Variants in FHOD3 observed in about 807,000 individuals in gnomAD.
FHOD3 encodes formin homology 2 domain containing 3.
FHOD3 carries 90 observed loss-of-function variants against 173.0 expected under a neutral mutation model. That is an observed-to-expected ratio of 0.52 (90% CI 0.44 to 0.62). The LOEUF (loss-of-function observed/expected upper bound fraction) is 0.62, where lower values mean the gene tolerates loss of function less well. FHOD3 is among the 20% of genes least tolerant of loss of function. The pLI, the probability that FHOD3 is intolerant of heterozygous loss-of-function variation, is 0.00. For synonymous variants in FHOD3, 828 were observed against 823.0 expected, an observed-to-expected ratio of 1.01 and a Z score of -0.10; for missense variants, 1,945 against 2,034.7, an observed-to-expected ratio of 0.96 and a Z score of 0.85.
chr18:36,597,119 G>A (rs1031948940), intron 7 of FHOD3, among the ~76,000 whole-genome samples: 6 of 152,286 alleles, frequency 3.9e-5, no homozygotes, highest in Admixed American at 2.0e-4. Context: ...AGGGGCCAAC[G>A]TCTCATGACC....
intron 3 of FHOD3, among the ~76,000 whole-genome samples, chr18:36,403,091 A>G (rs1185313115): frequency 6.6e-6 from 1 of 152,168 alleles, no homozygotes; most frequent in Non-Finnish European, 1.5e-5. Context: ...TGCTTCTCGG[A>G]GCTGCTCAGT....
At chr18:36,720,695 T>C (rs921141794) in intron 19 of FHOD3, among the ~76,000 whole-genome samples, 7 of 110,946 alleles carry the variant, frequency 6.3e-5, no homozygotes, top group East Asian at 2.2e-4. Context: ...CTCCTCCCCC[T>C]CCTTCTCCTC....
intron 4 of FHOD3, among the ~76,000 whole-genome samples, chr18:36,505,864 T>C (rs1289817638): frequency 2.0e-5 from 3 of 152,244 alleles, no homozygotes; most frequent in Admixed American, 2.0e-4. Flanking sequence ...CATGCTGGGC[T>C]GTGCTAATGC....
chr18:36,658,049 C>G, intron 13 of FHOD3, 26 bp from the exon 14 acceptor site: 1 of 1,522,438 alleles, frequency 6.6e-7, no homozygotes. Flanking sequence ...CCTTTTCCCC[C>G]CAACTTAAAC....
chr18:36,395,412 A>G (rs2048509412), intron 3 of FHOD3, among the ~76,000 whole-genome samples: 2 of 152,160 alleles, frequency 1.3e-5, no homozygotes, highest in African/African-American at 4.8e-5. Flanking sequence ...TTAGTTCTGC[A>G]GGTTTCTTCA....
intron 4 of FHOD3, among the ~76,000 whole-genome samples, chr18:36,507,097 C>CATGTT (rs143558924): frequency 0.08 from 12,158 of 152,182 alleles, 597 homozygotes; most frequent in East Asian, 0.3. Flanking sequence ...AATGGCATGT[C>CATGTT]ATGTTTTTTT....
At chr18:36,390,856 A>T (rs2048270187) in intron 3 of FHOD3, among the ~76,000 whole-genome samples, 1 of 152,222 alleles carries the variant, frequency 6.6e-6, no homozygotes, top group African/African-American at 2.4e-5. Context: ...GGTGGGGAGA[A>T]ATAACGAGTG....
intron 17 of FHOD3, among the ~76,000 whole-genome samples, chr18:36,706,329 C>T (rs1049889919): frequency 4.6e-5 from 7 of 152,138 alleles, no homozygotes; most frequent in Non-Finnish European, 4.4e-5. Flanking sequence ...TGCAATCAGA[C>T]CTTGTAGACA....
chr18:36,674,125 G>A (rs1018860794), intron 14 of FHOD3, among the ~76,000 whole-genome samples: 3 of 152,164 alleles, frequency 2.0e-5, no homozygotes, highest in African/African-American at 4.8e-5. Flanking sequence ...TCTGATACTG[G>A]GTTTAGGGAA....
intron 1 of FHOD3, among the ~76,000 whole-genome samples, chr18:36,314,735 G>A (rs2044035937): frequency 6.6e-6 from 1 of 152,150 alleles, no homozygotes; most frequent in South Asian, 2.1e-4. Flanking sequence ...GCAGCCTGGG[G>A]ACCTGCCTCA....
At chr18:36,662,453 T>C (rs961666664) in intron 14 of FHOD3, among the ~76,000 whole-genome samples, 3 of 152,250 alleles carry the variant, frequency 2.0e-5, no homozygotes, top group Non-Finnish European at 4.4e-5. Context: ...ATATGCACTT[T>C]AACCATGCAT....
chr18:36,524,938 G>A (rs1268020146), intron 5 of FHOD3, among the ~76,000 whole-genome samples: 1 of 152,092 alleles, frequency 6.6e-6, no homozygotes, highest in Admixed American at 6.5e-5. Flanking sequence ...GAAACAATTA[G>A]AAATTGTGCC....
At chr18:36,569,815 T>G (rs2058392142) in intron 5 of FHOD3, among the ~76,000 whole-genome samples, 1 of 152,084 alleles carries the variant, frequency 6.6e-6, no homozygotes, top group Non-Finnish European at 1.5e-5. Flanking sequence ...TTAACACACT[T>G]CTAAATAATC....
intron 5 of FHOD3, among the ~76,000 whole-genome samples, chr18:36,560,468 A>G (rs1490946755): frequency 6.6e-6 from 1 of 152,190 alleles, no homozygotes; most frequent in East Asian, 1.9e-4. Context: ...TGCACTTGCC[A>G]CTACTTGCCT....
intron 9 of FHOD3, 130 bp downstream of exon 9, chr18:36,612,225 G>C (rs1599869900): frequency 1.0e-6 from 1 of 981,992 alleles, no homozygotes; most frequent in African/African-American, 1.6e-5. Context: ...AGCATCGTAG[G>C]CTTCACCCCA....
At chr18:36,444,181 A>G (rs1482724729) in intron 3 of FHOD3, among the ~76,000 whole-genome samples, 1 of 128,282 alleles carries the variant, frequency 7.8e-6, no homozygotes, top group Non-Finnish European at 1.6e-5. Context: ...CGACAGAGTG[A>G]GACTCCGTCT....
intron 14 of FHOD3, among the ~76,000 whole-genome samples, chr18:36,663,843 A>G (rs932986052): frequency 8.5e-5 from 13 of 152,124 alleles, no homozygotes; most frequent in Non-Finnish European, 5.9e-5. Context: ...TGCCTTCTTC[A>G]TCTTTGTTGC....
intron 4 of FHOD3, among the ~76,000 whole-genome samples, chr18:36,502,837 TC>T (rs2055109884): frequency 6.6e-6 from 1 of 152,300 alleles, no homozygotes; most frequent in African/African-American, 2.4e-5. Context: ...TATGTGATAT[TC>T]TTTTGTATGA....
chr18:36,675,041 A>G (rs1254970443), intron 14 of FHOD3, among the ~76,000 whole-genome samples: 1 of 152,012 alleles, frequency 6.6e-6, no homozygotes, highest in Admixed American at 6.6e-5. Context: ...GGGCCCTTTG[A>G]GCTCAGTGTC....
Sources: allele counts gnomAD v4.1 joint callset (sites outside exome capture counted in the v4.1 genomes callset), GRCh38; gene constraint gnomAD v4.1.1; transcripts MANE v1.5; gene names NCBI Gene and HGNC (gene_info 2026-07-23, HGNC 2026-07-21).